The following PGM5 variants were observed in gnomAD, a reference collection of about 807,000 sequenced individuals.
PGM5 encodes the protein phosphoglucomutase-like protein 5.
In PGM5, 23 loss-of-function variants were observed where a neutral mutation model predicts 59.2. That is an observed-to-expected ratio of 0.39 (90% CI 0.28 to 0.55). The LOEUF (loss-of-function observed/expected upper bound fraction) is 0.55, where lower values mean the gene tolerates loss of function less well. Ranked by LOEUF, PGM5 falls within the 20% of genes least tolerant of loss-of-function variation. The pLI is 0.66. For missense variants in PGM5, 574 were observed against 748.3 expected (o/e 0.77, Z 2.72); for synonymous variants, 214 against 286.0 (o/e 0.75, Z 2.54).
At chr9:68,457,804 AT>A (rs1462741218) in intron 6 of PGM5, among the ~76,000 whole-genome samples, 2 of 152,080 alleles carry the variant, frequency 1.3e-5, no homozygotes, top group African/African-American at 4.8e-5. Context: ...TATATAAGTC[AT>A]TTTTTTTTAA....
At chr9:68,385,387 A>G (rs1458036696) in intron 3 of PGM5, among the ~76,000 whole-genome samples, 2 of 152,206 alleles carry the variant, frequency 1.3e-5, no homozygotes, top group Non-Finnish European at 2.9e-5. Context: ...ACTTAGCCCA[A>G]AAGAGGAAAT....
At chr9:68,371,161 C>A (rs1423827856) in intron 1 of PGM5, among the ~76,000 whole-genome samples, 7 of 152,252 alleles carry the variant, frequency 4.6e-5, no homozygotes, top group African/African-American at 1.4e-4. Context: ...GTGTGTGCAC[C>A]TTCTGGAGGA....
At chr9:68,400,529 A>G (rs1484756413) in intron 6 of PGM5, 1 of 152,452 alleles carries the variant, frequency 6.6e-6, no homozygotes, top group Non-Finnish European at 1.5e-5. Flanking sequence ...CCTCCACCCC[A>G]ACAGATATTT....
At chr9:68,361,779 A>G (rs1219465712) in intron 1 of PGM5, among the ~76,000 whole-genome samples, 1 of 152,050 alleles carries the variant, frequency 6.6e-6, no homozygotes, top group African/African-American at 2.4e-5. Context: ...TAATTTTGGG[A>G]AGACATACAC....
At chr9:68,490,961 T>G (rs76631289) in intron 9 of PGM5, among the ~76,000 whole-genome samples, 10,084 of 152,318 alleles carry the variant, frequency 0.066, 446 homozygotes, top group Middle Eastern at 0.12. Context: ...CCTTTTTCTT[T>G]GAAAATTGTG....
chr9:68,399,518 C>T (rs2132023983), intron 6 of PGM5, among the ~76,000 whole-genome samples: 1 of 151,920 alleles, frequency 6.6e-6, no homozygotes, highest in South Asian at 2.1e-4. Flanking sequence ...GAGTAACATA[C>T]CATTGCAATT....
intron 6 of PGM5, among the ~76,000 whole-genome samples, chr9:68,410,027 G>A (rs868956562): frequency 6.6e-6 from 1 of 152,182 alleles, no homozygotes; most frequent in Non-Finnish European, 1.5e-5. Context: ...GCCCCCAGGG[G>A]CCACATTGCG....
intron 6 of PGM5, among the ~76,000 whole-genome samples, chr9:68,400,334 C>T (rs1276319739): frequency 6.6e-6 from 1 of 152,164 alleles, no homozygotes; most frequent in Non-Finnish European, 1.5e-5. Context: ...TTATCCTGCA[C>T]TCTAAACATG....
chr9:68,467,497 C>T (rs530927175), intron 7 of PGM5, among the ~76,000 whole-genome samples: 1 of 152,260 alleles, frequency 6.6e-6, no homozygotes, highest in South Asian at 2.1e-4. Context: ...ATAGCTTTCT[C>T]TTACTGATTT....
chr9:68,429,495 C>A (rs1823306932), intron 6 of PGM5: 1 of 152,186 alleles, frequency 6.6e-6, no homozygotes, highest in African/African-American at 2.4e-5. Flanking sequence ...TCAATTCAAA[C>A]TTCCAATTTA....
At chr9:68,458,090 C>A (rs1175072409) in intron 6 of PGM5, among the ~76,000 whole-genome samples, 1 of 152,200 alleles carries the variant, frequency 6.6e-6, no homozygotes, top group East Asian at 1.9e-4. Context: ...AGGCTGTAAA[C>A]ACAGACAGTT....
rs182931643 is a variant in PGM5 at position 68,408,576 on chromosome 9, G to T, written c.1043+16103G>T. 1.9e-3 allele frequency among the ~76,000 whole-genome samples: 284 copies of T among 152,230 alleles called. 2 individuals are homozygous for T. Among genetic ancestry groups the T allele is most frequent in the African/African-American group, 6.5e-3 (268 of 41,540 alleles). On this transcript the variant is annotated intron_variant, in intron 6 of 10. Coordinates refer to ENST00000396396, the MANE Select transcript of PGM5 (RefSeq NM_021965.4). Reference sequence around the variant, plus strand: ...TTTGCTGTGCAGAAGCTCTTTAGTTGAATTAGATCCCATTTGTCAATTTTG... The same window carrying T: ...TTTGCTGTGCAGAAGCTCTTTAGTTTAATTAGATCCCATTTGTCAATTTTG...
intron 6 of PGM5, among the ~76,000 whole-genome samples, chr9:68,430,911 TTATATTTTCTCAATAAA>T (rs1324302886): frequency 6.6e-6 from 1 of 152,224 alleles, no homozygotes; most frequent in African/African-American, 2.4e-5. Flanking sequence ...CATCAACTAT[TTATATTTTCTCAATAAA>T]TAGTCCTTAG....
chr9:68,428,088 T>C (rs953620749), intron 6 of PGM5, among the ~76,000 whole-genome samples: 1 of 152,370 alleles, frequency 6.6e-6, no homozygotes, highest in African/African-American at 2.4e-5. Context: ...CTATCCATTG[T>C]GGTACAACCA....
intron 7 of PGM5, chr9:68,466,296 C>A: frequency 1.4e-6 from 1 of 700,994 alleles, no homozygotes; most frequent in Non-Finnish European, 1.9e-6. Flanking sequence ...TAGCATTTCT[C>A]TTTGACTCTT....
intron 10 of PGM5, among the ~76,000 whole-genome samples, chr9:68,513,271 A>G (rs1217516876): frequency 3.9e-5 from 6 of 152,244 alleles, no homozygotes; most frequent in African/African-American, 1.4e-4. Context: ...TGAACTCCAT[A>G]GCTTTTGATT....
At chr9:68,475,393 T>C (rs1483907965) in intron 7 of PGM5, among the ~76,000 whole-genome samples, 1 of 152,020 alleles carries the variant, frequency 6.6e-6, no homozygotes, top group Non-Finnish European at 1.5e-5. Context: ...TGCGAAAATA[T>C]TTAAAAGGAA....
intron 8 of PGM5, among the ~76,000 whole-genome samples, chr9:68,483,224 T>C (rs527523343): frequency 6.6e-6 from 1 of 152,236 alleles, no homozygotes; most frequent in Admixed American, 6.5e-5. Context: ...GGTAAACAAA[T>C]ATACAAACAA....
chr9:68,408,136 T>C (rs2132036153), intron 6 of PGM5, among the ~76,000 whole-genome samples: 1 of 152,320 alleles, frequency 6.6e-6, no homozygotes, highest in East Asian at 1.9e-4. Flanking sequence ...ATGACTCTTA[T>C]CAAATCAGGT....
Sources: allele counts gnomAD v4.1 joint callset (sites outside exome capture counted in the v4.1 genomes callset), GRCh38; gene constraint gnomAD v4.1.1; transcripts MANE v1.5; gene names NCBI Gene and HGNC (gene_info 2026-07-23, HGNC 2026-07-21).